Variants in MGST1 observed in about 807,000 individuals in gnomAD.
MGST1 encodes the protein glutathione S-transferase 12.
MGST1 carries 5 observed loss-of-function variants against 8.9 expected under a neutral mutation model. The observed-to-expected ratio is 0.56, with a 90% CI of 0.29 to 1.19. The LOEUF (loss-of-function observed/expected upper bound fraction) is 1.19. Among genes scored for constraint, MGST1 ranks in the 50% most tolerant of loss-of-function variants. The pLI is 0.08. For synonymous variants in MGST1, 54 were observed against 67.8 expected, an observed-to-expected ratio of 0.80 and a Z score of 1.00; for missense variants, 182 against 187.4, an observed-to-expected ratio of 0.97 and a Z score of 0.17.
chr12:16,466,841 CCT>C (rs891316495), intron 4 of MGST1, among the ~76,000 whole-genome samples: 2 of 151,956 alleles, frequency 1.3e-5, no homozygotes, highest in African/African-American at 2.4e-5. Flanking sequence ...TTTGAAATTT[CCT>C]CTCTTTTTTT....
chr12:16,453,698 C>T (rs374931051), intron 4 of MGST1, among the ~76,000 whole-genome samples: 21 of 151,942 alleles, frequency 1.4e-4, no homozygotes, highest in African/African-American at 5.1e-4. Flanking sequence ...CATGCCTATC[C>T]CCTGGCTGCT....
At chr12:16,352,433 C>CAGT (rs1477777060) in intron 1 of MGST1, among the ~76,000 whole-genome samples, 2 of 152,082 alleles carry the variant, frequency 1.3e-5, no homozygotes, top group African/African-American at 4.8e-5. Flanking sequence ...CTAGAAGAGA[C>CAGT]AGTACTACAT....
chr12:16,449,412 G>GCC (rs1941111135), intron 4 of MGST1, among the ~76,000 whole-genome samples: 1 of 151,728 alleles, frequency 6.6e-6, no homozygotes, highest in African/African-American at 2.4e-5. Flanking sequence ...TTCCCGCCAG[G>GCC]CCCCACCTCC....
chr12:16,379,182 A>C (rs1181783642), downstream of MGST1, among the ~76,000 whole-genome samples: 1 of 152,130 alleles, frequency 6.6e-6, no homozygotes, highest in Non-Finnish European at 1.5e-5. Flanking sequence ...TTCCAACACT[A>C]TGTTGAATAG....
intron 4 of MGST1, among the ~76,000 whole-genome samples, chr12:16,581,246 A>C (rs1452951615): frequency 6.6e-6 from 1 of 152,148 alleles, no homozygotes; most frequent in African/African-American, 2.4e-5. Flanking sequence ...GCTCATAAGG[A>C]TGGGTTCTGG....
Position 16,585,382 on chromosome 12 carries a change from C to T in MGST1, n.483-4146C>T, listed in dbSNP as rs1943287213. ...AACTTTATGTTAAACAATCACTTGG[C>T]CACAAAGATTAATATTAACCTATAT... On this transcript the variant is annotated intron_variant and non_coding_transcript_variant, in intron 4 of 4. Transcript: ENST00000538857. This position sits in a 1 kb window ranked among gnomAD's most constrained non-coding sequence, Gnocchi z 4.7. 1.3e-5 allele frequency among the ~76,000 whole-genome samples: 2 copies of T among 152,126 alleles called. No individual in the cohort carries two copies. The highest frequency in any genetic ancestry group is 4.1e-4 in the South Asian group (2 of 4,824).
chr12:16,463,751 G>A (rs1591736878), intron 4 of MGST1, among the ~76,000 whole-genome samples: 2 of 151,774 alleles, frequency 1.3e-5, no homozygotes, highest in African/African-American at 4.8e-5. Flanking sequence ...TCTACCCTAC[G>A]TAGTGTGAAA....
chr12:16,576,562 C>T lies in MGST1; in HGVS notation n.483-12966C>T, dbSNP rs370057610. On this transcript the variant is annotated intron_variant and non_coding_transcript_variant, in intron 4 of 4. Coordinates refer to the MGST1 transcript ENST00000538857. The surrounding 1 kb of genome is among the most constrained non-coding windows in gnomAD (Gnocchi z 4.1). ...CACTTGTTTTCATATACTACTTCAT[C>T]TTTCAGAATCTGTATCAGTTACGTA... Among the ~76,000 whole-genome samples the T allele has an allele frequency of 2.6e-5, 4 of 152,174 alleles. No individual in the cohort carries two copies. In the East Asian group the frequency reaches 5.8e-4, roughly 22 times the overall value.
chr12:16,577,351 G>A (rs2137502820), intron 4 of MGST1, among the ~76,000 whole-genome samples: 1 of 152,154 alleles, frequency 6.6e-6, no homozygotes, highest in Non-Finnish European at 1.5e-5. Context: ...CTTCCATGAA[G>A]GCCTCCTAAA....
rs1212434963 is a variant in MGST1, at chr12:16,361,747, C to T, written c.222-2048C>T. Among the ~76,000 whole-genome samples, 1 of 152,138 alleles carries T rather than the reference C, an allele frequency of 6.6e-6. No homozygotes were observed. Among genetic ancestry groups the T allele is most frequent in the East Asian group, 1.9e-4 (1 of 5,188 alleles). On this transcript the variant is annotated intron_variant, in intron 3 of 3. Coordinates refer to ENST00000396210, the MANE Select transcript of MGST1 (RefSeq NM_020300.5). This position sits in a 1 kb window ranked among gnomAD's most constrained non-coding sequence, Gnocchi z 4.2. ...CATAAGTATGAGGGTCTGTGGAAAA[C>T]AGGCCTTACTAGCATAGTGAGGAGT...
chr12:16,491,504 C>T (rs1941437920), intron 4 of MGST1, among the ~76,000 whole-genome samples: 1 of 152,150 alleles, frequency 6.6e-6, no homozygotes, highest in Admixed American at 6.6e-5. Flanking sequence ...TTCATGTTAT[C>T]TGGACCTTGT....
intron 4 of MGST1, among the ~76,000 whole-genome samples, chr12:16,530,529 A>G (rs1244948731): frequency 6.6e-6 from 1 of 152,114 alleles, no homozygotes; most frequent in Non-Finnish European, 1.5e-5. Context: ...AGGCTGAAAA[A>G]CGAGATTGTC....
intron 2 of MGST1, 111 bp from the exon 3 acceptor site, chr12:16,357,494 C>T: frequency 1.3e-6 from 1 of 790,236 alleles, no homozygotes; most frequent in Non-Finnish European, 2.0e-6. Context: ...ATCTTGAATT[C>T]TTGGGCTCAA....
chr12:16,375,878 A>G (rs529443656), intron 3 of MGST1, among the ~76,000 whole-genome samples: 4 of 152,102 alleles, frequency 2.6e-5, no homozygotes, highest in African/African-American at 9.6e-5. Context: ...ATGCTATTCA[A>G]TACAACTAGC....
chr12:16,525,513 T>G (rs1941680232), intron 4 of MGST1, among the ~76,000 whole-genome samples: 1 of 149,018 alleles, frequency 6.7e-6, no homozygotes, highest in East Asian at 2.0e-4. Flanking sequence ...ATGGTGTATA[T>G]GTGCCACATT....
downstream of MGST1, among the ~76,000 whole-genome samples, chr12:16,442,135 T>A (rs1404536820): frequency 6.6e-6 from 1 of 151,898 alleles, no homozygotes; most frequent in South Asian, 2.1e-4. This position sits in a 1 kb window ranked among gnomAD's most constrained non-coding sequence, Gnocchi z 4.5. Flanking sequence ...TCTGTTCCGA[T>A]CTTTTGCCCA....
At chr12:16,550,983 C>A (rs892621633) in intron 4 of MGST1, 6 of 409,318 alleles carry the variant, frequency 1.5e-5, no homozygotes, top group African/African-American at 9.9e-5. Flanking sequence ...AAACGAATAG[C>A]AAGCAAAAAA....
At position 16,478,655 on chromosome 12, in the gene MGST1, A is replaced by G. The variant is rs186799386; in HGVS notation, n.482+95051A>G. Among the ~76,000 whole-genome samples the G allele has an allele frequency of 1.1e-4, 16 of 152,180 alleles. 2 individuals are homozygous for G. In the East Asian group the frequency reaches 3.1e-3, roughly 29 times the overall value. On this transcript the variant is annotated intron_variant and non_coding_transcript_variant, in intron 4 of 4. Coordinates refer to the MGST1 transcript ENST00000538857. ...TTTTTTAATTTCAGAAAGTGGGAGG[A>G]CATTATATACATAAAATAGATAATA...
At chr12:16,371,108 C>G (rs1940285216) in intron 3 of MGST1, among the ~76,000 whole-genome samples, 2 of 152,086 alleles carry the variant, frequency 1.3e-5, no homozygotes, top group African/African-American at 4.8e-5. Context: ...ATTGAACATA[C>G]TATCACTTGA....
Sources: allele counts gnomAD v4.1 joint callset (sites outside exome capture counted in the v4.1 genomes callset), GRCh38; gene constraint gnomAD v4.1.1; non-coding constraint Gnocchi (gnomAD v3.1); transcripts MANE v1.5; gene names NCBI Gene and HGNC (gene_info 2026-07-23, HGNC 2026-07-21).